Variants in ERP44 observed in about 807,000 individuals in gnomAD.
ERP44 encodes the protein endoplasmic reticulum protein 44, also known as endoplasmic reticulum resident protein 44.
ERP44 carries 25 observed loss-of-function variants against 53.4 expected under a neutral mutation model. The ratio of observed to expected loss-of-function variants is 0.47; its 90% CI spans 0.34 to 0.65. ERP44 has a LOEUF of 0.65. Ranked by LOEUF, ERP44 falls within the 30% of genes least tolerant of loss-of-function variation. The pLI is 0.01. For synonymous variants in ERP44, 145 were observed against 161.2 expected (o/e 0.90, Z 0.76); for missense variants, 338 against 493.2 (o/e 0.69, Z 2.98).
chr9:100,046,177 AG>A (rs1363230729), intron 4 of ERP44, among the ~76,000 whole-genome samples: 1 of 152,194 alleles, frequency 6.6e-6, no homozygotes, highest in African/African-American at 2.4e-5. Flanking sequence ...AAAAAATACC[AG>A]GCAAGCCCAA....
At chr9:100,053,116 T>C (rs1826055073) in intron 3 of ERP44, among the ~76,000 whole-genome samples, 1 of 152,160 alleles carries the variant, frequency 6.6e-6, no homozygotes, top group South Asian at 2.1e-4. Context: ...GCTAGTTCTA[T>C]CAAATCTCAC....
At chr9:100,057,970 C>G in intron 2 of ERP44, 111 bp from the exon 3 acceptor site, 1 of 783,110 alleles carries the variant, frequency 1.3e-6, no homozygotes, top group Non-Finnish European at 2.1e-6. Flanking sequence ...TAAAAAAACA[C>G]AGTAACTATT....
At chr9:100,088,093 A>G (rs1018919651) in intron 1 of ERP44, among the ~76,000 whole-genome samples, 2 of 152,212 alleles carry the variant, frequency 1.3e-5, no homozygotes, top group African/African-American at 4.8e-5. Context: ...CAAATGGGGC[A>G]AGGCTGAAGA....
At position 99,981,859 on chromosome 9, in the gene ERP44, G is replaced by T. The variant is rs1438144920; in HGVS notation, c.*753C>A. 1.3e-5 allele frequency: 2 copies of T among 152,116 alleles called. No homozygotes were observed. Among genetic ancestry groups the T allele is most frequent in the Non-Finnish European group, 2.9e-5 (2 of 68,028 alleles). The allele number at this position is 152,116 out of a possible 1,614,324, so 9.4% of individuals were successfully genotyped here. On this transcript the variant is annotated 3_prime_UTR_variant, in exon 12 of 12. Coordinates refer to ENST00000262455, the MANE Select transcript of ERP44 (RefSeq NM_015051.3). ...CTTAAAAGTCATCTAGTTCTGATTG[G>T]TAGCCTGTTCCACTGTCACCTCCCT... is the stretch of plus-strand genomic sequence containing the variant.
chr9:99,995,622 G>T (rs1830302187), intron 10 of ERP44, among the ~76,000 whole-genome samples: 2 of 152,162 alleles, frequency 1.3e-5, no homozygotes, highest in East Asian at 3.8e-4. Context: ...TGCAGTATTT[G>T]TCTTTCTGTG....
intron 10 of ERP44, among the ~76,000 whole-genome samples, chr9:99,985,916 G>A (rs562063280): frequency 1.3e-5 from 2 of 152,212 alleles, no homozygotes; most frequent in South Asian, 2.1e-4. Flanking sequence ...TTCTCTTTAC[G>A]AAAAAGCTTA....
At chr9:99,994,342 G>A (rs571647785) in intron 10 of ERP44, among the ~76,000 whole-genome samples, 12 of 152,306 alleles carry the variant, frequency 7.9e-5, no homozygotes, top group African/African-American at 2.9e-4. Flanking sequence ...ATGAGTTCAT[G>A]TCCTTTGTAG....
intron 6 of ERP44, 62 bp downstream of exon 6, chr9:100,020,554 C>T (rs1290268895): frequency 1.2e-6 from 1 of 821,552 alleles, no homozygotes. Flanking sequence ...TGACCAAATA[C>T]AACAGCAATT....
At chr9:100,072,711 G>A (rs574798714) in intron 1 of ERP44, among the ~76,000 whole-genome samples, 3 of 152,110 alleles carry the variant, frequency 2.0e-5, no homozygotes, top group East Asian at 3.9e-4. Flanking sequence ...TAGTAGAGAC[G>A]AGGTTTCACC....
chr9:100,068,975 G>T (rs938379760), intron 1 of ERP44, among the ~76,000 whole-genome samples: 2 of 152,186 alleles, frequency 1.3e-5, no homozygotes, highest in Non-Finnish European at 2.9e-5. Context: ...GGGATCCTGT[G>T]GATCTGTGAC....
intron 4 of ERP44, among the ~76,000 whole-genome samples, chr9:100,032,288 T>TA (rs1825800669): frequency 6.6e-6 from 1 of 152,168 alleles, no homozygotes; most frequent in Non-Finnish European, 1.5e-5. Context: ...AACTGGGAAG[T>TA]AAAAAATCTT....
Position 100,047,889 on chromosome 9 carries a change from C to T in ERP44, c.286+4528G>A, listed in dbSNP as rs368406788. 1.1e-3 allele frequency among the ~76,000 whole-genome samples: 163 copies of T among 152,168 alleles called. 4 individuals carry two copies. The South Asian group carries it at 0.029, about 27-fold the overall frequency. On this transcript the variant is annotated intron_variant, in intron 4 of 11. Transcript: ENST00000262455. ...AACTCCTACAACTCAACATCAACAA[C>T]AAAAACCCAAATAACCTGATTTTAA... is the stretch of plus-strand genomic sequence containing the variant.
At chr9:100,054,745 A>AC (rs1826072336) in intron 3 of ERP44, among the ~76,000 whole-genome samples, 1 of 152,228 alleles carries the variant, frequency 6.6e-6, no homozygotes, top group African/African-American at 2.4e-5. Flanking sequence ...TATTTCAGAT[A>AC]AGGGATACTC....
intron 4 of ERP44, among the ~76,000 whole-genome samples, chr9:100,024,937 C>A (rs2118661241): frequency 6.6e-6 from 1 of 152,168 alleles, no homozygotes; most frequent in South Asian, 2.1e-4. Flanking sequence ...CTAATCAAAA[C>A]TGACACTAGA....
chr9:100,048,766 A>C (rs1826004936), intron 4 of ERP44, among the ~76,000 whole-genome samples: 1 of 152,356 alleles, frequency 6.6e-6, no homozygotes, highest in African/African-American at 2.4e-5. Flanking sequence ...TGCCAGTCAC[A>C]AAAAGACAGA....
chr9:100,057,911 A>T, intron 2 of ERP44, 52 bp from the exon 3 acceptor site: 1 of 1,350,568 alleles, frequency 7.4e-7, no homozygotes, highest in African/African-American at 1.4e-5. Flanking sequence ...TTTTGACATA[A>T]TTAAACATAC....
At chr9:100,065,449 C>T (rs112195390) in intron 1 of ERP44, among the ~76,000 whole-genome samples, 4 of 152,138 alleles carry the variant, frequency 2.6e-5, no homozygotes, top group African/African-American at 9.6e-5. Context: ...GTACTATATA[C>T]TTGAAAATTC....
At chr9:99,998,894 TC>T in intron 10 of ERP44, 1 of 1,590,440 alleles carries the variant, frequency 6.3e-7, no homozygotes, top group Non-Finnish European at 8.6e-7. Context: ...CGCCTCCATC[TC>T]CCCCAGCAGT....
At chr9:100,048,584 G>T (rs555175322) in intron 4 of ERP44, among the ~76,000 whole-genome samples, 90 of 152,252 alleles carry the variant, frequency 5.9e-4, no homozygotes, top group African/African-American at 2.0e-3. Context: ...CATGTTCATA[G>T]CACCATTATT....
Sources: allele counts gnomAD v4.1 joint callset (sites outside exome capture counted in the v4.1 genomes callset), GRCh38; gene constraint gnomAD v4.1.1; transcripts MANE v1.5; gene names NCBI Gene and HGNC (gene_info 2026-07-23, HGNC 2026-07-21).